The following LMO3 variants were observed in gnomAD, a reference collection of about 807,000 sequenced individuals.
LMO3 encodes the protein LIM domain only 3, also known as LIM domain only protein 3.
A neutral mutation model predicts 15.8 loss-of-function variants in LMO3; 2 were observed. That is an observed-to-expected ratio of 0.13 (90% CI 0.05 to 0.40). The LOEUF is 0.40. Among genes scored for constraint, LMO3 ranks in the 10% least tolerant of loss-of-function variants. The probability of loss-of-function intolerance (pLI) is 0.99; values close to 1 mark genes in which losing one functional copy is unlikely to be tolerated. For synonymous variants in LMO3, 62 were observed against 63.8 expected (o/e 0.97, Z 0.13); for missense variants, 86 against 182.2 (o/e 0.47, Z 3.04).
chr12:16,572,988 GA>G (rs1942866543), intron 2 of LMO3, among the ~76,000 whole-genome samples: 1 of 151,544 alleles, frequency 6.6e-6, no homozygotes, highest in Non-Finnish European at 1.5e-5. Context: ...TGAAAGTAGA[GA>G]TTTTTTTAAA....
At chr12:16,564,792 A>G (rs1252213318) in intron 2 of LMO3, among the ~76,000 whole-genome samples, 1 of 152,180 alleles carries the variant, frequency 6.6e-6, no homozygotes, top group Non-Finnish European at 1.5e-5. Context: ...GCATAAATTT[A>G]GAAGTTATTT....
chr12:16,602,564 C>T (rs1357092213), intron 1 of LMO3, among the ~76,000 whole-genome samples: 1 of 152,236 alleles, frequency 6.6e-6, no homozygotes, highest in Non-Finnish European at 1.5e-5. Flanking sequence ...AGACTAACAG[C>T]TGGATTTGTA....
chr12:16,571,354 T>G (rs1942807400), intron 2 of LMO3, among the ~76,000 whole-genome samples: 1 of 152,136 alleles, frequency 6.6e-6, no homozygotes, highest in South Asian at 2.1e-4. Flanking sequence ...TCACTTTTGT[T>G]AAAGTACTTT....
intron 2 of LMO3, chr12:16,594,248 C>T (rs1189873118): frequency 6.5e-7 from 1 of 1,529,542 alleles, no homozygotes; most frequent in Admixed American, 2.0e-5. Context: ...TATAGATCCA[C>T]ACCTCTTCAA....
chr12:16,596,271 A>T lies in LMO3; in HGVS notation c.206+4384T>A, dbSNP rs1033900575. On this transcript the variant is annotated intron_variant, in intron 2 of 3. Transcript: ENST00000537304. The surrounding 1 kb of genome is among the most constrained non-coding windows in gnomAD (Gnocchi z 4.3). ...AGTTAATTAGCAACTATGGTGAAGCATGAAGCATCACTCTTTCCCAGTAGT... is the reference window on the plus strand; with the variant it reads ...AGTTAATTAGCAACTATGGTGAAGCTTGAAGCATCACTCTTTCCCAGTAGT... Among the ~76,000 whole-genome samples the T allele has an allele frequency of 2.0e-5, 3 of 151,610 alleles. No individual in the cohort carries two copies. Among genetic ancestry groups the T allele is most frequent in the Admixed American group, 6.6e-5 (1 of 15,198 alleles).
intron 2 of LMO3, among the ~76,000 whole-genome samples, chr12:16,573,080 AC>A (rs1942873317): frequency 6.6e-6 from 1 of 152,018 alleles, no homozygotes; most frequent in Non-Finnish European, 1.5e-5. Flanking sequence ...AAGAAAAAAT[AC>A]CTTTTTTTTT....
At chr12:16,605,785 G>T in intron 1 of LMO3, 1 of 1,535,376 alleles carries the variant, frequency 6.5e-7, no homozygotes, top group Non-Finnish European at 8.7e-7. Flanking sequence ...GTTCCGCGCC[G>T]CAGCCGCTCT....
At position 16,600,724 on chromosome 12, in the gene LMO3, C is replaced by T. The variant is rs867223722; in HGVS notation, c.137G>A (p.Arg46His). 6 of 1,614,134 alleles carry T rather than the reference C, an allele frequency of 3.7e-6. No homozygotes were observed. The highest frequency in any genetic ancestry group is 5.1e-6 in the Non-Finnish European group (6 of 1,179,994). ...DCLKCACCDCRLGEVGSTLYT... is the reference protein window; with the variant it reads ...DCLKCACCDCHLGEVGSTLYT... ...CAGGGTGGAGCCCACCTCTCCCAAG[C>T]GACAGTCACAGCAGGCACACTTCAG... Residue 46 changes from arginine to histidine, a missense_variant, in exon 2 of 4, where the codon CGC becomes CAC. Coordinates refer to ENST00000537304, the MANE Select transcript of LMO3 (RefSeq NM_018640.5).
At chr12:16,594,496 A>G (rs938190559) in intron 2 of LMO3, among the ~76,000 whole-genome samples, 2 of 151,448 alleles carry the variant, frequency 1.3e-5, no homozygotes, top group African/African-American at 4.8e-5. Context: ...CATATATTGT[A>G]TTTTTTATTG....
At chr12:16,564,283 A>G (rs1942512182) in intron 2 of LMO3, among the ~76,000 whole-genome samples, 1 of 151,864 alleles carries the variant, frequency 6.6e-6, no homozygotes, top group South Asian at 2.1e-4. Context: ...ATATTTAATA[A>G]CTTTTGTGTA....
intron 2 of LMO3, among the ~76,000 whole-genome samples, chr12:16,580,531 A>T (rs554290188): frequency 1.3e-5 from 2 of 152,320 alleles, no homozygotes; most frequent in South Asian, 4.1e-4. Flanking sequence ...CCTTTGGAGG[A>T]CTTTTCTGGG....
intron 2 of LMO3, among the ~76,000 whole-genome samples, chr12:16,574,832 A>G (rs1942940692): frequency 6.6e-6 from 1 of 152,206 alleles, no homozygotes; most frequent in African/African-American, 2.4e-5. Flanking sequence ...GTGGGGAAAC[A>G]GAAGTATAGA....
At chr12:16,554,230 G>A (rs748682308) in intron 3 of LMO3, among the ~76,000 whole-genome samples, 4 of 152,154 alleles carry the variant, frequency 2.6e-5, no homozygotes, top group Admixed American at 1.3e-4. Flanking sequence ...TTTTAAGCAG[G>A]TTATCAAAAG....
In LMO3 at chr12:16,585,469, T is replaced by C. The variant is rs1943290369; in HGVS notation, c.206+15186A>G. On this transcript the variant is annotated intron_variant, in intron 2 of 3. Transcript: ENST00000537304. The surrounding 1 kb of genome is among the most constrained non-coding windows in gnomAD (Gnocchi z 4.7). Reference sequence around the variant, plus strand: ...GTGAGCATAAATGTTGTTTCAAATATTGTTCCCAAATATTATTCAAATTCA... The same window carrying C: ...GTGAGCATAAATGTTGTTTCAAATACTGTTCCCAAATATTATTCAAATTCA... 2.0e-5 allele frequency among the ~76,000 whole-genome samples: 3 copies of C among 152,208 alleles called. No homozygotes were observed. The highest frequency in any genetic ancestry group is 2.1e-4 in the South Asian group (1 of 4,830).
At chr12:16,595,672 T>G (rs999662199) in intron 2 of LMO3, among the ~76,000 whole-genome samples, 2 of 151,472 alleles carry the variant, frequency 1.3e-5, no homozygotes, top group African/African-American at 2.4e-5. Flanking sequence ...ATAACAGTAT[T>G]TTTGTAACAG....
At chr12:16,606,031 A>C in intron 1 of LMO3, 35 bp downstream of exon 1, 1 of 590,232 alleles carries the variant, frequency 1.7e-6, no homozygotes, top group Non-Finnish European at 3.0e-6. Flanking sequence ...CACCACAAAT[A>C]AGCCGACGCG....
intron 2 of LMO3, chr12:16,594,376 A>C: frequency 1.8e-5 from 16 of 889,088 alleles, no homozygotes; most frequent in Middle Eastern, 2.5e-4. Flanking sequence ...TTATAGAGAC[A>C]TGGCTAATAC....
Position 16,600,871 on chromosome 12 carries a change from A to C in LMO3, c.-8-3T>G, listed in dbSNP as rs757145804. 2 of 1,610,980 alleles carry C rather than the reference A, an allele frequency of 1.2e-6. No individual in the cohort carries two copies. The highest frequency in any genetic ancestry group is 2.7e-5 in the African/African-American group (2 of 74,778). On this transcript the variant is annotated splice_polypyrimidine_tract_variant and splice_region_variant and intron_variant, in intron 1 of 3. Coordinates refer to ENST00000537304, the MANE Select transcript of LMO3 (RefSeq NM_018640.5). ...CTGGACTGAGAGCATTTGTATACCT[A>C]AAGGAAGACAAAAGCAAAAAAGAGA...
At position 16,591,578 on chromosome 12, in the gene LMO3, T is replaced by C. The variant is rs1212355632; in HGVS notation, c.206+9077A>G. On this transcript the variant is annotated intron_variant, in intron 2 of 3. Transcript: ENST00000537304. This position sits in a 1 kb window ranked among gnomAD's most constrained non-coding sequence, Gnocchi z 4.1. ...AAGGCCTTTTACAGTACCTAGAATA[T>C]ACAGAATGATCACATTTATTGAATG... Among the ~76,000 whole-genome samples the C allele has an allele frequency of 6.6e-6, 1 of 151,986 alleles. No individual in the cohort carries two copies. Among genetic ancestry groups the C allele is most frequent in the Non-Finnish European group, 1.5e-5 (1 of 67,956 alleles).
Sources: allele counts gnomAD v4.1 joint callset (sites outside exome capture counted in the v4.1 genomes callset), GRCh38; gene constraint gnomAD v4.1.1; non-coding constraint Gnocchi (gnomAD v3.1); transcripts MANE v1.5; gene names NCBI Gene and HGNC (gene_info 2026-07-23, HGNC 2026-07-21).